Variants in TDRP observed in about 807,000 individuals in gnomAD.
The protein encoded by TDRP is testis development-related protein.
In TDRP, 12 loss-of-function variants were observed where a neutral mutation model predicts 10.5. The ratio of observed to expected loss-of-function variants is 1.15; its 90% CI spans 0.73 to 1.86. The LOEUF is 1.86. Ranked by LOEUF, TDRP falls within the 40% of genes most tolerant of loss-of-function variation. The pLI is 0.00. For synonymous variants in TDRP, 139 were observed against 95.4 expected, an observed-to-expected ratio of 1.46 and a Z score of -2.67; for missense variants, 353 against 229.2, an observed-to-expected ratio of 1.54 and a Z score of -3.49.
At chr8:537,635 A>AAC (rs1802382111) in intron 1 of TDRP, among the ~76,000 whole-genome samples, 1 of 152,152 alleles carries the variant, frequency 6.6e-6, no homozygotes, top group African/African-American at 2.4e-5. Context: ...TGGTCTTGTA[A>AAC]ACAAGTAAGA....
At chr8:529,987 T>A (rs1390376277) in intron 1 of TDRP, among the ~76,000 whole-genome samples, 1 of 152,174 alleles carries the variant, frequency 6.6e-6, no homozygotes, top group Non-Finnish European at 1.5e-5. Flanking sequence ...CTTTTCTCCT[T>A]TTGGGACTTC....
intron 1 of TDRP, among the ~76,000 whole-genome samples, chr8:516,486 G>C (rs1382792151): frequency 1.3e-5 from 2 of 152,156 alleles, no homozygotes; most frequent in East Asian, 3.9e-4. Flanking sequence ...ACATGGAGAT[G>C]GTAAATAAGC....
intron 1 of TDRP, among the ~76,000 whole-genome samples, chr8:525,158 G>A (rs548073546): frequency 3.6e-4 from 55 of 152,158 alleles, no homozygotes; most frequent in African/African-American, 1.1e-3. Flanking sequence ...GAGAGACAGC[G>A]GCATGACATA....
intron 1 of TDRP, among the ~76,000 whole-genome samples, chr8:506,370 C>T (rs1028297337): frequency 1.5e-4 from 23 of 152,160 alleles, no homozygotes; most frequent in African/African-American, 5.3e-4. Flanking sequence ...AGCACAGGCT[C>T]CCTCTCACTC....
chr8:503,720 G>A (rs574469066), intron 1 of TDRP, among the ~76,000 whole-genome samples: 2 of 136,440 alleles, frequency 1.5e-5, no homozygotes, highest in African/African-American at 2.8e-5. Context: ...ATGGAATCCA[G>A]AGCTACACAT....
rs1801403303 is a variant in TDRP, at chr8:504,547, C to A, written c.109-9950G>T. On this transcript the variant is annotated intron_variant, in intron 1 of 2. Coordinates refer to ENST00000324079, the MANE Select transcript of TDRP (RefSeq NM_001384899.1). The stretch of plus-strand genomic sequence containing the variant: ...TGCAGAATGTTCAAAGAGGCAGACT[C>A]TGGGCTCTGCCACAAACCGTGATTC... 1.3e-5 allele frequency among the ~76,000 whole-genome samples: 2 copies of A among 152,192 alleles called. 1 individual carries two copies. Among genetic ancestry groups the A allele is most frequent in the South Asian group, 4.1e-4 (2 of 4,836 alleles).
chr8:493,895 T>C (rs796672636), intron 2 of TDRP, among the ~76,000 whole-genome samples: 65 of 152,244 alleles, frequency 4.3e-4, no homozygotes, highest in African/African-American at 1.4e-3. Context: ...TTTTCCACTT[T>C]TCCATAACCT....
rs1048822020 is a variant in TDRP, at chr8:491,049, G to C, written c.*1350C>G. 6.6e-6 allele frequency: 1 copy of C among 152,336 alleles called. No homozygotes were observed. Among genetic ancestry groups the C allele is most frequent in the East Asian group, 1.9e-4 (1 of 5,178 alleles). 9.4% of individuals were successfully genotyped at this position (152,336 alleles called of 1,614,324 possible). A position where few individuals can be genotyped will look rare whatever the true frequency, so the allele number is the denominator to read the frequency against. ...AGTAATTGCTGTTTTTTGCATAACAGATGACAGATCAAGTAAACCTGTTCT... is the reference window on the plus strand; with the variant it reads ...AGTAATTGCTGTTTTTTGCATAACACATGACAGATCAAGTAAACCTGTTCT... On this transcript the variant is annotated 3_prime_UTR_variant, in exon 3 of 3. Transcript: ENST00000324079.
At chr8:523,811 T>C (rs1182176981) in intron 1 of TDRP, among the ~76,000 whole-genome samples, 1 of 152,164 alleles carries the variant, frequency 6.6e-6, no homozygotes, top group Non-Finnish European at 1.5e-5. Flanking sequence ...TCCTGAGGTT[T>C]CTGACTCCAG....
chr8:492,067 A>G lies in TDRP; in HGVS notation c.*332T>C. The G allele has an allele frequency of 8.7e-7, 1 of 1,151,750 alleles. No homozygotes were observed. Among genetic ancestry groups the G allele is most frequent in the Middle Eastern group, 3.5e-4 (1 of 2,830 alleles). 71.3% of individuals were successfully genotyped at this position (1,151,750 alleles called of 1,614,324 possible). ...GTTCTGAAACAGAACTACAACACAGAGCAGCATGAAAATCATTTTGTGAGA... is the reference window on the plus strand; with the variant it reads ...GTTCTGAAACAGAACTACAACACAGGGCAGCATGAAAATCATTTTGTGAGA... On this transcript the variant is annotated 3_prime_UTR_variant, in exon 3 of 3. Transcript: ENST00000324079.
chr8:537,299 G>A (rs957733581), intron 1 of TDRP, among the ~76,000 whole-genome samples: 2 of 152,196 alleles, frequency 1.3e-5, no homozygotes, highest in African/African-American at 2.4e-5. Flanking sequence ...GCACAAGTGA[G>A]AAGTGCCTGA....
At chr8:511,162 A>C (rs1288826282) in intron 1 of TDRP, among the ~76,000 whole-genome samples, 2 of 152,228 alleles carry the variant, frequency 1.3e-5, no homozygotes, top group African/African-American at 4.8e-5. Flanking sequence ...TAAATGGATT[A>C]AAACTCCAAG....
intron 1 of TDRP, among the ~76,000 whole-genome samples, chr8:512,336 G>T (rs1801642544): frequency 6.6e-6 from 1 of 152,070 alleles, no homozygotes; most frequent in Non-Finnish European, 1.5e-5. Flanking sequence ...GGGAGGCTGA[G>T]ACAGGAGAAT....
Position 492,529 on chromosome 8 carries a change from G to C in TDRP, c.428C>G (p.Ser143Trp), listed in dbSNP as rs759540788. ...GCTGGCCAGGCTGGTGTACTTGGTC[G>C]AGCCCTTGGCGTCATCCTCCCAGCC... ...WSGWEDDAKGSTKYTSLASSA... is the reference protein window; with the variant it reads ...WSGWEDDAKGWTKYTSLASSA... The change falls in exon 3 of 3, where the codon TCG becomes TGG. Residue 143 changes from serine to tryptophan, a missense_variant. By Grantham distance (177) the Ser-to-Trp change is radical. Coordinates refer to ENST00000324079, the MANE Select transcript of TDRP (RefSeq NM_001384899.1). 4 of 1,610,760 alleles carry C rather than the reference G, an allele frequency of 2.5e-6. No individual in the cohort carries two copies. The Admixed American group carries it at 5.0e-5, about 20-fold the overall frequency.
Position 520,792 on chromosome 8 carries a change from T to G in TDRP, c.108+23858A>C, listed in dbSNP as rs529677406. On this transcript the variant is annotated intron_variant, in intron 1 of 2. Coordinates refer to ENST00000324079, the MANE Select transcript of TDRP (RefSeq NM_001384899.1). ...CATTGCCCATTTTTTAATCAGGTTT[T>G]TTGTTGTTGTTTGGTCATAGGAGTT... Among the ~76,000 whole-genome samples the G allele has an allele frequency of 2.0e-5, 3 of 152,342 alleles. No homozygotes were observed. In the South Asian group the frequency reaches 6.2e-4, roughly 32 times the overall value.
intron 1 of TDRP, among the ~76,000 whole-genome samples, chr8:503,795 C>A (rs1411915985): frequency 4.9e-5 from 7 of 143,796 alleles, no homozygotes. Context: ...GGAACCCATG[C>A]CCACCTCAGC....
intron 1 of TDRP, among the ~76,000 whole-genome samples, chr8:518,208 G>A (rs1801807312): frequency 6.6e-6 from 1 of 152,198 alleles, no homozygotes; most frequent in Non-Finnish European, 1.5e-5. Context: ...GGTAGGGAAG[G>A]TAGGGAAGGT....
chr8:518,918 A>G (rs933676800), intron 1 of TDRP, among the ~76,000 whole-genome samples: 1 of 152,192 alleles, frequency 6.6e-6, no homozygotes, highest in Non-Finnish European at 1.5e-5. Context: ...AGTTCCTGAA[A>G]GTATTGGAAT....
intron 1 of TDRP, among the ~76,000 whole-genome samples, chr8:506,917 G>A (rs995562728): frequency 6.6e-6 from 1 of 152,186 alleles, no homozygotes; most frequent in East Asian, 1.9e-4. Context: ...CAATGGGGAG[G>A]TATTAGTTCA....
Sources: gnomAD v4.1 joint callset for allele counts (sites outside exome capture counted in the v4.1 genomes callset) on GRCh38, gnomAD v4.1.1 for gene constraint, MANE v1.5 for transcripts, NCBI Gene and HGNC (gene_info 2026-07-23, HGNC 2026-07-21) for gene names.